The following FRMD4B variants were observed in gnomAD, a reference collection of about 807,000 sequenced individuals.
FRMD4B encodes the protein FERM domain-containing protein 4B.
FRMD4B carries 74 observed loss-of-function variants against 141.5 expected under a neutral mutation model. That is an observed-to-expected ratio of 0.52 (90% CI 0.43 to 0.63). FRMD4B has a LOEUF of 0.63. FRMD4B is among the 30% of genes least tolerant of loss of function. The probability of loss-of-function intolerance (pLI) is 0.00; values close to 1 mark genes in which losing one functional copy is unlikely to be tolerated. For missense variants in FRMD4B, 1,366 were observed against 1,253.4 expected, an observed-to-expected ratio of 1.09 and a Z score of -1.36; for synonymous variants, 506 against 467.9, an observed-to-expected ratio of 1.08 and a Z score of -1.05.
At chr3:69,204,734 T>C (rs1429394961) in intron 11 of FRMD4B, among the ~76,000 whole-genome samples, 2 of 152,172 alleles carry the variant, frequency 1.3e-5, no homozygotes, top group East Asian at 1.9e-4. Context: ...GTGACAGTCA[T>C]ACAACAAATA....
chr3:69,364,255 T>C (rs1221920364), intron 1 of FRMD4B, among the ~76,000 whole-genome samples: 2 of 152,182 alleles, frequency 1.3e-5, no homozygotes, highest in Non-Finnish European at 2.9e-5. Flanking sequence ...AAACATCCTG[T>C]CCTTTTAGCT....
At chr3:69,252,667 A>G (rs1203096996) in intron 5 of FRMD4B, among the ~76,000 whole-genome samples, 2 of 152,220 alleles carry the variant, frequency 1.3e-5, no homozygotes, top group Admixed American at 1.3e-4. Context: ...ATGAAATTTA[A>G]TTAAGACTTA....
At chr3:69,501,228 C>CTTTTTTTT (rs534864440) in intron 1 of FRMD4B, among the ~76,000 whole-genome samples, 1 of 117,302 alleles carries the variant, frequency 8.5e-6, no homozygotes. Context: ...CATGGACCTT[C>CTTTTTTTT]TTTTTTTTTT....
intron 1 of FRMD4B, among the ~76,000 whole-genome samples, chr3:69,533,433 T>C (rs962057686): frequency 6.6e-6 from 1 of 152,158 alleles, no homozygotes; most frequent in Non-Finnish European, 1.5e-5. Flanking sequence ...TTCTGCAGAA[T>C]GTGGGTTATT....
chr3:69,377,781 A>G (rs975296670), intron 1 of FRMD4B, among the ~76,000 whole-genome samples: 8 of 150,770 alleles, frequency 5.3e-5, no homozygotes, highest in Non-Finnish European at 1.2e-4. Flanking sequence ...TTCTAGTTCA[A>G]CTTTTCCCTC....
At chr3:69,503,128 G>A (rs1020225903) in intron 1 of FRMD4B, among the ~76,000 whole-genome samples, 97 of 152,260 alleles carry the variant, frequency 6.4e-4, no homozygotes, top group African/African-American at 2.1e-3. Context: ...TCAGTGTGGC[G>A]ATTCCTCAAG....
chr3:69,184,369 T>C (rs897885775), intron 19 of FRMD4B, among the ~76,000 whole-genome samples: 21 of 152,382 alleles, frequency 1.4e-4, no homozygotes, highest in African/African-American at 4.6e-4. Flanking sequence ...GCTCACTTTT[T>C]AAAAAGTTAA....
intron 7 of FRMD4B, among the ~76,000 whole-genome samples, chr3:69,241,801 G>T (rs1166011654): frequency 6.6e-6 from 1 of 151,980 alleles, no homozygotes; most frequent in Non-Finnish European, 1.5e-5. Context: ...CCCAGGAGGC[G>T]GAGTTTGCAG....
chr3:69,401,612 C>G (rs1453927427), intron 2 of FRMD4B, among the ~76,000 whole-genome samples: 1 of 152,146 alleles, frequency 6.6e-6, no homozygotes, highest in Non-Finnish European at 1.5e-5. Context: ...TGCAGTGGTG[C>G]CACCACTGTT....
chr3:69,442,044 C>A (rs1705350851), intron 1 of FRMD4B, among the ~76,000 whole-genome samples: 1 of 151,918 alleles, frequency 6.6e-6, no homozygotes, highest in Non-Finnish European at 1.5e-5. Flanking sequence ...AAATCTCCAG[C>A]TATCTAATCT....
At chr3:69,279,793 C>T (rs1575686830) in intron 5 of FRMD4B, among the ~76,000 whole-genome samples, 1 of 139,122 alleles carries the variant, frequency 7.2e-6, no homozygotes, top group African/African-American at 2.7e-5. Context: ...TCCTCCTCCT[C>T]CTCCTCCTCC....
chr3:69,497,956 C>A (rs185406070), intron 1 of FRMD4B, among the ~76,000 whole-genome samples: 118 of 152,298 alleles, frequency 7.7e-4, no homozygotes, highest in Non-Finnish European at 9.4e-4. Flanking sequence ...CTAGCTAACA[C>A]TAAGCACCAT....
chr3:69,191,824 C>T (rs529330514), intron 17 of FRMD4B, among the ~76,000 whole-genome samples: 1 of 152,176 alleles, frequency 6.6e-6, no homozygotes, highest in Non-Finnish European at 1.5e-5. Context: ...CAGAAATTAA[C>T]CACCCCCAAG....
upstream of FRMD4B, among the ~76,000 whole-genome samples, chr3:69,386,555 A>C (rs6769509): frequency 0.64 from 96,884 of 151,740 alleles, 31,272 homozygotes; most frequent in Middle Eastern, 0.68. Flanking sequence ...GCAGCCACAG[A>C]TGCAGAAGAG....
In FRMD4B at chr3:69,323,608, G is replaced by GTATATA. The variant is rs55847019; in HGVS notation, c.163-10097_163-10092dup. ...CCCAACTCTCTCTCTCTCTCTCTGT[G>GTATATA]TATATATATATATATATATATATAT... On this transcript the variant is annotated intron_variant, in intron 1 of 22. Coordinates refer to ENST00000398540, the MANE Select transcript of FRMD4B (RefSeq NM_015123.3). 9.5e-3 allele frequency among the ~76,000 whole-genome samples: 960 copies of GTATATA among 101,292 alleles called. 13 individuals are homozygous for GTATATA. Among genetic ancestry groups the GTATATA allele is most frequent in the Non-Finnish European group, 0.013 (648 of 51,252 alleles). The allele number at this position is 101,292 out of a possible 152,430, so 66.5% of individuals were successfully genotyped here. A position where few individuals can be genotyped will look rare whatever the true frequency, so the allele number is the denominator to read the frequency against.
intron 1 of FRMD4B, among the ~76,000 whole-genome samples, chr3:69,331,963 C>T (rs1407681223): frequency 6.6e-6 from 1 of 152,098 alleles, no homozygotes; most frequent in Non-Finnish European, 1.5e-5. Context: ...TGGCTGGTGC[C>T]TGTAATCCCA....
chr3:69,454,903 G>A (rs922091765), intron 1 of FRMD4B, among the ~76,000 whole-genome samples: 1 of 152,244 alleles, frequency 6.6e-6, no homozygotes, highest in African/African-American at 2.4e-5. Context: ...AATCGGGTGG[G>A]GACTTGGAGA....
At chr3:69,193,965 G>T in intron 16 of FRMD4B, 92 bp from the exon 17 acceptor site, 3 of 749,484 alleles carry the variant, frequency 4.0e-6, no homozygotes, top group Non-Finnish European at 4.4e-6. Flanking sequence ...GCACTTTCTT[G>T]AATCAGACGT....
At chr3:69,377,222 T>G (rs554587505) in intron 1 of FRMD4B, 16 of 152,328 alleles carry the variant, frequency 1.1e-4, no homozygotes, top group African/African-American at 3.8e-4. Flanking sequence ...AGAAGATTAA[T>G]TTTCTCAGTG....
Sources: allele counts gnomAD v4.1 joint callset (sites outside exome capture counted in the v4.1 genomes callset), GRCh38; gene constraint gnomAD v4.1.1; transcripts MANE v1.5; gene names NCBI Gene and HGNC (gene_info 2026-07-23, HGNC 2026-07-21).